The following ZMYND8 variants were observed in gnomAD, a reference collection of about 807,000 sequenced individuals.
ZMYND8 encodes zinc finger MYND-type containing 8.
ZMYND8 carries 37 observed loss-of-function variants against 140.8 expected under a neutral mutation model. The ratio of observed to expected loss-of-function variants is 0.26; its 90% CI spans 0.20 to 0.35. The LOEUF (loss-of-function observed/expected upper bound fraction) is 0.35. Among genes scored for constraint, ZMYND8 ranks in the 10% least tolerant of loss-of-function variants. The pLI is 1.00. For missense variants in ZMYND8, 1,068 were observed against 1,570.0 expected (o/e 0.68, Z 5.40); for synonymous variants, 592 against 597.1 (o/e 0.99, Z 0.12).
rs998035781 is a variant in ZMYND8 at position 47,291,813 on chromosome 20, G to C, written c.643C>G (p.Leu215Val). 6.2e-7 allele frequency: 1 copy of C among 1,612,900 alleles called. No individual in the cohort carries two copies. The highest frequency in any genetic ancestry group is 8.5e-7 in the Non-Finnish European group (1 of 1,179,438). Residue 215 changes from leucine (L) to valine (V), a missense_variant, in exon 6 of 23, where the codon CTT (leucine) becomes GTT (valine). Physicochemically the swap from Leu to Val is conservative, Grantham distance 32. This residue lies in a region of ZMYND8 where 109 missense variants were observed against 314.9 expected (regional missense o/e 0.35). Transcript: ENST00000471951. ...YAEYIFHPMD[L>V]CTLEKNAKKK... Reference sequence around the variant, plus strand: ...AGGCCAACCTTTTCCAATGTACAAAGGTCCATTGGATGGAAGATGTATTCC... The same window carrying C: ...AGGCCAACCTTTTCCAATGTACAAACGTCCATTGGATGGAAGATGTATTCC...
intron 2 of ZMYND8, among the ~76,000 whole-genome samples, chr20:47,341,445 T>C (rs1465328974): frequency 7.3e-5 from 11 of 150,594 alleles, no homozygotes. Flanking sequence ...AAGAATTGCT[T>C]GAACCTGGGA....
At chr20:47,254,539 G>A (rs886408870) in intron 12 of ZMYND8, among the ~76,000 whole-genome samples, 6 of 152,208 alleles carry the variant, frequency 3.9e-5, no homozygotes, top group Non-Finnish European at 7.3e-5. Context: ...AATGAAGGCC[G>A]ATTTCTGTGT....
At chr20:47,300,422 T>C (rs938498637) in intron 3 of ZMYND8, among the ~76,000 whole-genome samples, 3 of 152,190 alleles carry the variant, frequency 2.0e-5, no homozygotes, top group Non-Finnish European at 2.9e-5. Flanking sequence ...ACAAATATCT[T>C]CTACGTTGGT....
Position 47,298,589 on chromosome 20 carries a change from G to A in ZMYND8, c.453+140C>T, listed in dbSNP as rs570259614. ...ACTGCCGGTGTTGGTCAAGAAGGGG[G>A]TGACCAGGATAGAACAGGTGGAAAG... On this transcript the variant is annotated intron_variant, in intron 4 of 22. Transcript: ENST00000471951. This position sits in a 1 kb window ranked among gnomAD's most constrained non-coding sequence, Gnocchi z 5.0. The A allele has an allele frequency of 8.5e-5, 125 of 1,470,516 alleles. 1 individual carries two copies. The South Asian group carries it at 1.6e-3, about 18-fold the overall frequency. 91.1% of individuals were successfully genotyped at this position (1,470,516 alleles called of 1,614,324 possible). A position where few individuals can be genotyped will look rare whatever the true frequency, so the allele number is the denominator to read the frequency against.
At chr20:47,348,942 T>C (rs2082555388) in intron 1 of ZMYND8, 1 of 152,228 alleles carries the variant, frequency 6.6e-6, no homozygotes, top group Admixed American at 6.5e-5. Flanking sequence ...AGACTGTCGT[T>C]CCACAGGAAG....
At chr20:47,324,591 A>T (rs2080257816) in intron 2 of ZMYND8, among the ~76,000 whole-genome samples, 1 of 152,188 alleles carries the variant, frequency 6.6e-6, no homozygotes, top group African/African-American at 2.4e-5. Flanking sequence ...AGCTTACTGT[A>T]GACACCTAAG....
intron 2 of ZMYND8, among the ~76,000 whole-genome samples, chr20:47,341,874 G>A (rs2081924306): frequency 6.6e-6 from 1 of 152,004 alleles, no homozygotes; most frequent in Non-Finnish European, 1.5e-5. Context: ...GTGGTGGCGG[G>A]CGCCTGTAAT....
At chr20:47,334,922 T>C (rs117999688) in intron 2 of ZMYND8, among the ~76,000 whole-genome samples, 3,624 of 151,396 alleles carry the variant, frequency 0.024, 58 homozygotes, top group Middle Eastern at 0.041. Flanking sequence ...CGTGAAAATA[T>C]ATTAAAAACC....
intron 21 of ZMYND8, 23 bp from the exon 22 acceptor site, chr20:47,212,748 C>T: frequency 6.3e-7 from 1 of 1,587,358 alleles, no homozygotes; most frequent in Non-Finnish European, 8.6e-7. Context: ...CACAGGTAGC[C>T]TCAGAGTCTG....
intron 11 of ZMYND8, among the ~76,000 whole-genome samples, chr20:47,262,870 A>G (rs972399566): frequency 6.5e-4 from 99 of 152,288 alleles, no homozygotes; most frequent in African/African-American, 2.2e-3. Context: ...CAGCCACTGC[A>G]CCTGCCAGGG....
intron 11 of ZMYND8, among the ~76,000 whole-genome samples, chr20:47,271,460 C>CA (rs1418376068): frequency 6.6e-6 from 1 of 152,190 alleles, no homozygotes; most frequent in African/African-American, 2.4e-5. Flanking sequence ...CATATGCACA[C>CA]AAAAGCACAC....
At chr20:47,304,631 C>T (rs866345844) in intron 3 of ZMYND8, among the ~76,000 whole-genome samples, 32 of 152,292 alleles carry the variant, frequency 2.1e-4, no homozygotes, top group Middle Eastern at 3.4e-3. Context: ...AGGGACCATA[C>T]CTGAGTGAAA....
chr20:47,249,828 C>CAGCAACA (rs2074023249), intron 12 of ZMYND8, among the ~76,000 whole-genome samples: 1 of 152,186 alleles, frequency 6.6e-6, no homozygotes, highest in African/African-American at 2.4e-5. Context: ...TCAAGGTGTA[C>CAGCAACA]TTGTAACTTC....
intron 11 of ZMYND8, among the ~76,000 whole-genome samples, chr20:47,266,277 G>A (rs545441228): frequency 9.2e-5 from 13 of 141,866 alleles, no homozygotes; most frequent in Non-Finnish European, 1.9e-4. Context: ...TTGTTTTTGG[G>A]GGGGAGGGGG....
chr20:47,216,010 T>C (rs1414610168), intron 21 of ZMYND8, among the ~76,000 whole-genome samples: 3 of 152,176 alleles, frequency 2.0e-5, no homozygotes, highest in Non-Finnish European at 1.5e-5. Context: ...AGGATGCAGA[T>C]GCCTTTGAAC....
intron 8 of ZMYND8, 30 bp downstream of exon 8, chr20:47,287,199 A>G (rs748131378): frequency 1.2e-6 from 2 of 1,603,110 alleles, no homozygotes; most frequent in Non-Finnish European, 8.5e-7. Context: ...TTCTGGGTGC[A>G]TCTAAAACAG....
chr20:47,252,793 C>T (rs1158449553), intron 12 of ZMYND8, among the ~76,000 whole-genome samples: 1 of 152,126 alleles, frequency 6.6e-6, no homozygotes, highest in African/African-American at 2.4e-5. Context: ...GTGGCACACG[C>T]CTGTAATCCC....
At position 47,281,827 on chromosome 20, in the gene ZMYND8, C is replaced by A. The variant is rs540823851; in HGVS notation, c.998+275G>T. ...ATCAAACCAAAACAAAAAAGAACAG[C>A]AGCACTTCAAACAGCCACAGAACCC... On this transcript the variant is annotated intron_variant, in intron 10 of 22. Transcript: ENST00000471951. Among the ~76,000 whole-genome samples, 6 of 152,260 alleles carry A rather than the reference C, an allele frequency of 3.9e-5. No individual in the cohort carries two copies. The East Asian group carries it at 1.2e-3, about 29-fold the overall frequency.
chr20:47,210,883 T>G lies in ZMYND8; in HGVS notation c.3583A>C (p.Asn1195His), dbSNP rs763648204. The G allele has an allele frequency of 2.5e-6, 4 of 1,614,014 alleles. No homozygotes were observed. The highest frequency in any genetic ancestry group is 1.6e-4 in the Middle Eastern group (1 of 6,062). Residue 1195 changes from asparagine to histidine, a missense_variant, in exon 23 of 23, where the codon AAT becomes CAT. Physicochemically the swap from Asn to His is moderately conservative, Grantham distance 68. Around this residue, in one of 10 missense-constraint regions of ZMYND8, gnomAD observed 180 missense variants for 187.8 expected, o/e 0.96. Transcript: ENST00000471951. Reference protein sequence around the residue: ...YPAQKYHSRSNKSSWSSSDEK... With the variant: ...YPAQKYHSRSHKSSWSSSDEK... ...TCACTGCTGCTCCAACTGGATTTAT[T>G]ACTCCGGGAATGGTCTGAGGGGGAA...
Sources: gnomAD v4.1 joint callset for allele counts (sites outside exome capture counted in the v4.1 genomes callset) on GRCh38, gnomAD v4.1.1 for gene constraint, gnomAD v4.1.1 regional missense constraint, Gnocchi (gnomAD v3.1) non-coding constraint, MANE v1.5 for transcripts, NCBI Gene and HGNC (gene_info 2026-07-23, HGNC 2026-07-21) for gene names.